PCDHGB4: variants seen among roughly 807,000 people sequenced by gnomAD.
PCDHGB4 encodes protocadherin gamma subfamily B, 4, also known as protocadherin gamma-B4.
Under a neutral mutation model 60.5 loss-of-function variants are expected in PCDHGB4, and 38 were observed. That is an observed-to-expected ratio of 0.63 (90% confidence interval 0.48 to 0.82). The LOEUF is 0.82. Ranked by LOEUF, PCDHGB4 falls within the 40% of genes least tolerant of loss-of-function variation. The pLI, the probability that PCDHGB4 is intolerant of heterozygous loss-of-function variation, is 0.00. For missense variants in PCDHGB4, 1,109 were observed against 1,209.6 expected, an observed-to-expected ratio of 0.92 and a Z score of 1.23; for synonymous variants, 456 against 509.7, an observed-to-expected ratio of 0.89 and a Z score of 1.42.
intron 1 of PCDHGB4, chr5:141,414,528 C>T: frequency 6.2e-7 from 1 of 1,613,970 alleles, no homozygotes; most frequent in Non-Finnish European, 8.5e-7. Flanking sequence ...ATATCAATGA[C>T]AACCCACCTA....
chr5:141,436,298 T>C (rs1480546595), intron 1 of PCDHGB4, among the ~76,000 whole-genome samples: 3 of 152,186 alleles, frequency 2.0e-5, no homozygotes, highest in Non-Finnish European at 4.4e-5. Flanking sequence ...CATTGAGAGT[T>C]AGAGCATGAA....
At chr5:141,426,453 G>A (rs902416171) in intron 1 of PCDHGB4, 4 of 310,612 alleles carry the variant, frequency 1.3e-5, no homozygotes, top group African/African-American at 8.6e-5. Flanking sequence ...ACATGCGGCT[G>A]CATGTTCAGG....
intron 1 of PCDHGB4, chr5:141,421,906 G>C: frequency 6.2e-7 from 1 of 1,613,770 alleles, no homozygotes; most frequent in Non-Finnish European, 8.5e-7. Context: ...AAAGGGCGCA[G>C]TTCCCATTCG....
intron 2 of PCDHGB4, among the ~76,000 whole-genome samples, chr5:141,497,543 T>C (rs896069181): frequency 4.7e-5 from 7 of 149,068 alleles, no homozygotes; most frequent in Non-Finnish European, 9.0e-5. Context: ...AACAAACCTT[T>C]TTTTTTTTTT....
At chr5:141,406,198 C>T (rs1363174713) in intron 1 of PCDHGB4, among the ~76,000 whole-genome samples, 1 of 151,806 alleles carries the variant, frequency 6.6e-6, no homozygotes, top group African/African-American at 2.4e-5. Context: ...TCAGCCTTCA[C>T]AGTAGCTAGG....
At chr5:141,422,009 G>C (rs1483710075) in intron 1 of PCDHGB4, 1 of 1,609,752 alleles carries the variant, frequency 6.2e-7, no homozygotes, top group Non-Finnish European at 8.5e-7. Flanking sequence ...TCCGGAACTC[G>C]GGTGCTGATG....
At chr5:141,473,738 C>T (rs755682627) in intron 1 of PCDHGB4, among the ~76,000 whole-genome samples, 2 of 152,310 alleles carry the variant, frequency 1.3e-5, no homozygotes, top group Non-Finnish European at 2.9e-5. Flanking sequence ...AGGGAGAAGA[C>T]ATGAGAACTT....
chr5:141,506,666 C>A (rs894880559), intron 3 of PCDHGB4, among the ~76,000 whole-genome samples: 2 of 152,120 alleles, frequency 1.3e-5, no homozygotes, highest in South Asian at 4.1e-4. Context: ...AGAGTAAGGG[C>A]ACAATATATT....
intron 1 of PCDHGB4, among the ~76,000 whole-genome samples, chr5:141,492,118 TC>T (rs1338861093): frequency 6.6e-6 from 1 of 152,176 alleles, no homozygotes; most frequent in Non-Finnish European, 1.5e-5. Flanking sequence ...CTTCGATTTC[TC>T]CCCAGCTCCC....
rs779656906 is a variant in PCDHGB4 at position 141,476,872 on chromosome 5, C to T, written c.2398-17935C>T. On this transcript the variant is annotated intron_variant, in intron 1 of 3. Transcript: ENST00000519479. The surrounding 1 kb of genome is among the most constrained non-coding windows in gnomAD (Gnocchi z 7.6). ...TCAACCAGTCCTTGTACCGGGCGCG[C>T]GTCCTGGAGGATGCACCCTCCGGCA... 1.6e-4 allele frequency: 254 copies of T among 1,613,734 alleles called. No individual in the cohort carries two copies. The highest frequency in any genetic ancestry group is 2.1e-4 in the Non-Finnish European group (248 of 1,180,054).
At chr5:141,392,585 G>A (rs749915419) in intron 1 of PCDHGB4, 4 of 468,068 alleles carry the variant, frequency 8.5e-6, no homozygotes, top group Non-Finnish European at 1.5e-5. Context: ...TGTAAGCGCC[G>A]CTGTTCACCT....
intron 3 of PCDHGB4, among the ~76,000 whole-genome samples, chr5:141,509,422 G>A (rs1181133903): frequency 3.3e-5 from 5 of 152,136 alleles, no homozygotes; most frequent in Non-Finnish European, 5.9e-5. Flanking sequence ...GCCCCAATGA[G>A]TCAAACTCTT....
intron 1 of PCDHGB4, among the ~76,000 whole-genome samples, chr5:141,425,318 G>A (rs1304835508): frequency 1.3e-5 from 2 of 152,158 alleles, no homozygotes; most frequent in Non-Finnish European, 2.9e-5. Context: ...TCCCAAGATC[G>A]TGGAGAACAA....
chr5:141,413,483 G>A (rs2095646690), intron 1 of PCDHGB4: 1 of 1,614,080 alleles, frequency 6.2e-7, no homozygotes, highest in East Asian at 2.2e-5. Flanking sequence ...TGCGCTCAGA[G>A]CGCGCGGTGC....
chr5:141,401,815 C>G (rs1217081146), intron 1 of PCDHGB4, among the ~76,000 whole-genome samples: 1 of 152,184 alleles, frequency 6.6e-6, no homozygotes, highest in Non-Finnish European at 1.5e-5. Flanking sequence ...GGGTTCCTTA[C>G]AAAGTGCTGA....
chr5:141,456,878 G>A (rs71583646), intron 1 of PCDHGB4, among the ~76,000 whole-genome samples: 21 of 152,162 alleles, frequency 1.4e-4, no homozygotes, highest in African/African-American at 2.4e-4. Flanking sequence ...CAGGAGAATC[G>A]CTTGAACCCG....
At chr5:141,496,373 C>T (rs1315450867) in intron 2 of PCDHGB4, among the ~76,000 whole-genome samples, 2 of 152,216 alleles carry the variant, frequency 1.3e-5, no homozygotes. Flanking sequence ...GAAGCAGGAG[C>T]TTGGGCCACC....
In PCDHGB4 at chr5:141,487,072, T is replaced by C. The variant is rs754589618; in HGVS notation, c.2398-7735T>C. On this transcript the variant is annotated intron_variant, in intron 1 of 3. Coordinates refer to ENST00000519479, the MANE Select transcript of PCDHGB4 (RefSeq NM_003736.4). This position sits in a 1 kb window ranked among gnomAD's most constrained non-coding sequence, Gnocchi z 5.0. ...CTGGGGAGGTGCGGACGGCTGTTCCTATCCCAGCTGACCTCCCACCACAGA... is the reference window on the plus strand; with the variant it reads ...CTGGGGAGGTGCGGACGGCTGTTCCCATCCCAGCTGACCTCCCACCACAGA... 8.1e-6 allele frequency: 13 copies of C among 1,614,010 alleles called. No homozygotes were observed. Among genetic ancestry groups the C allele is most frequent in the Non-Finnish European group, 1.1e-5 (13 of 1,179,966 alleles).
chr5:141,485,408 T>G lies in PCDHGB4; in HGVS notation c.2398-9399T>G. On this transcript the variant is annotated intron_variant, in intron 1 of 3. Transcript: ENST00000519479. The surrounding 1 kb of genome is among the most constrained non-coding windows in gnomAD (Gnocchi z 5.7). ...GAACCAAAGACACTTCCGTGTGGAT[T>G]TGGACAGCGGAGCCCTGCTCATCAA... 1 of 1,614,112 alleles carries G rather than the reference T, an allele frequency of 6.2e-7. No individual in the cohort carries two copies. The highest frequency in any genetic ancestry group is 8.5e-7 in the Non-Finnish European group (1 of 1,180,034).
Sources: allele counts gnomAD v4.1 joint callset (sites outside exome capture counted in the v4.1 genomes callset), GRCh38; gene constraint gnomAD v4.1.1; non-coding constraint Gnocchi (gnomAD v3.1); transcripts MANE v1.5; gene names NCBI Gene and HGNC (gene_info 2026-07-23, HGNC 2026-07-21).